PITPNM2: variants seen among roughly 807,000 people sequenced by gnomAD.
PITPNM2 encodes the protein phosphatidylinositol transfer protein membrane associated 2, also known as membrane-associated phosphatidylinositol transfer protein 2.
A neutral mutation model predicts 132.2 loss-of-function variants in PITPNM2; 35 were observed. The observed-to-expected ratio is 0.26, with a 90% confidence interval of 0.20 to 0.35. PITPNM2 has a LOEUF of 0.35. Ranked by LOEUF, PITPNM2 falls within the 10% of genes least tolerant of loss-of-function variation. PITPNM2 has a pLI of 1.00. For missense variants in PITPNM2, 1,332 were observed against 1,912.0 expected, an observed-to-expected ratio of 0.70 and a Z score of 5.66; for synonymous variants, 738 against 799.2, an observed-to-expected ratio of 0.92 and a Z score of 1.29.
chr12:123,011,026 C>A (rs1344087089), intron 5 of PITPNM2, among the ~76,000 whole-genome samples: 2 of 152,244 alleles, frequency 1.3e-5, no homozygotes, highest in East Asian at 3.8e-4. Flanking sequence ...GGCCAGGCCA[C>A]TTATGATCAC....
intron 1 of PITPNM2, among the ~76,000 whole-genome samples, chr12:123,123,044 CATG>C (rs1319920674): frequency 2.0e-5 from 3 of 152,220 alleles, no homozygotes; most frequent in African/African-American, 7.2e-5. Flanking sequence ...ATTCTACAGA[CATG>C]AGAGTATATT....
chr12:123,000,949 A>G lies in PITPNM2; in HGVS notation c.1154-101T>C. The stretch of plus-strand genomic sequence containing the variant: ...GACGAGGGGAGCTTGGGGGTCCCCA[A>G]CTCACATGTATGCCCAGCACTGTGC... On this transcript the variant is annotated intron_variant, in intron 9 of 25. Transcript: ENST00000320201. This position sits in a 1 kb window ranked among gnomAD's most constrained non-coding sequence, Gnocchi z 5.4. 2 of 1,535,668 alleles carry G rather than the reference A, an allele frequency of 1.3e-6. No individual in the cohort carries two copies. The highest frequency in any genetic ancestry group is 1.1e-5 in the South Asian group (1 of 89,148).
Position 123,077,809 on chromosome 12 carries a change from T to G in PITPNM2, c.-96+32576A>C, listed in dbSNP as rs923558649. Among the ~76,000 whole-genome samples, 2 of 151,786 alleles carry G rather than the reference T, an allele frequency of 1.3e-5. No individual in the cohort carries two copies. Among genetic ancestry groups the G allele is most frequent in the Non-Finnish European group, 1.5e-5 (1 of 67,942 alleles). On this transcript the variant is annotated intron_variant, in intron 2 of 25. Coordinates refer to ENST00000320201, the MANE Select transcript of PITPNM2 (RefSeq NM_020845.3). This position sits in a 1 kb window ranked among gnomAD's most constrained non-coding sequence, Gnocchi z 4.8. ...AGAAAATTACCTTTTAGGAAGCCAA[T>G]GTGAGGGAAGGGGTGGGGGGACAAA...
intron 2 of PITPNM2, among the ~76,000 whole-genome samples, chr12:123,050,936 C>T (rs1404384338): frequency 2.0e-5 from 3 of 152,164 alleles, no homozygotes; most frequent in East Asian, 3.8e-4. Flanking sequence ...ATAACTTGGG[C>T]AGAAAAGGCA....
intron 2 of PITPNM2, among the ~76,000 whole-genome samples, chr12:123,069,208 C>A (rs1056338838): frequency 9.3e-5 from 14 of 151,158 alleles, no homozygotes; most frequent in Admixed American, 9.2e-4. Context: ...GATTGCACCA[C>A]TGCACTCCAG....
In PITPNM2 at chr12:123,111,893, C is replaced by A. The variant is rs1319887935; in HGVS notation, c.-199-1405G>T. On this transcript the variant is annotated intron_variant, in intron 1 of 25. Transcript: ENST00000320201. This position sits in a 1 kb window ranked among gnomAD's most constrained non-coding sequence, Gnocchi z 4.1. Reference sequence around the variant, plus strand: ...TAGGCCACAGTTGAGGCCAGCAACTCTGAAGTCTCCCCATGTTCGAGGTGA... The same window carrying A: ...TAGGCCACAGTTGAGGCCAGCAACTATGAAGTCTCCCCATGTTCGAGGTGA... Among the ~76,000 whole-genome samples, 1 of 152,202 alleles carries A rather than the reference C, an allele frequency of 6.6e-6. No individual in the cohort carries two copies. Among genetic ancestry groups the A allele is most frequent in the Non-Finnish European group, 1.5e-5 (1 of 68,030 alleles).
In PITPNM2 at chr12:122,994,589, G is replaced by C. The variant is rs1051208326; in HGVS notation, c.2233+212C>G. ...CCTCAGCATCCACAGGCACCCCGGA[G>C]ATGAAATGAAACAGCAGGTGTCACG... On this transcript the variant is annotated intron_variant, in intron 15 of 25. Transcript: ENST00000320201. The surrounding 1 kb of genome is among the most constrained non-coding windows in gnomAD (Gnocchi z 5.4). 6.6e-6 allele frequency among the ~76,000 whole-genome samples: 1 copy of C among 152,192 alleles called. No homozygotes were observed. Among genetic ancestry groups the C allele is most frequent in the Non-Finnish European group, 1.5e-5 (1 of 68,028 alleles).
chr12:123,042,605 C>T (rs2040527885), intron 2 of PITPNM2, among the ~76,000 whole-genome samples: 1 of 152,118 alleles, frequency 6.6e-6, no homozygotes, highest in Admixed American at 6.5e-5. Context: ...AGCGAGGGAG[C>T]CACCGGCAGG....
chr12:122,996,569 C>A lies in PITPNM2; in HGVS notation c.1671G>T (p.Leu557=). 1.2e-6 allele frequency: 2 copies of A among 1,613,090 alleles called. No individual in the cohort carries two copies. Among genetic ancestry groups the A allele is most frequent in the Non-Finnish European group, 1.7e-6 (2 of 1,180,014 alleles). ...EGMTFNGQVC[L]IGDCVGGILA... ...GGATGCCCCCGACGCAGTCCCCAAT[C>A]AGGCAGACCTTGGGAGAGAGGGGCC... Residue 557 remains leucine, a synonymous_variant, in exon 13 of 26, where the codon CTG becomes CTT. Transcript: ENST00000320201.
At chr12:123,072,290 T>C (rs1204291218) in intron 2 of PITPNM2, among the ~76,000 whole-genome samples, 1 of 152,120 alleles carries the variant, frequency 6.6e-6, no homozygotes, top group Non-Finnish European at 1.5e-5. Flanking sequence ...TTCTCCAAGA[T>C]CTTATAATCA....
At chr12:123,092,845 C>T (rs1679946840) in intron 2 of PITPNM2, 1 of 152,302 alleles carries the variant, frequency 6.6e-6, no homozygotes, top group Admixed American at 6.5e-5. Context: ...TCGACCTCTC[C>T]CCCGAGCCCC....
chr12:123,004,195 C>T lies in PITPNM2; in HGVS notation c.1048+199G>A, dbSNP rs951731109. Among the ~76,000 whole-genome samples the T allele has an allele frequency of 6.6e-6, 1 of 152,168 alleles. No homozygotes were observed. On this transcript the variant is annotated intron_variant, in intron 8 of 25. Transcript: ENST00000320201. The surrounding 1 kb of genome is among the most constrained non-coding windows in gnomAD (Gnocchi z 4.9). Reference sequence around the variant, plus strand: ...TTCTGAGACCCCAGACTCAAGGGAACAAGATGACCTCATCTCATCCTCTGT... The same window carrying T: ...TTCTGAGACCCCAGACTCAAGGGAATAAGATGACCTCATCTCATCCTCTGT...
intron 2 of PITPNM2, among the ~76,000 whole-genome samples, chr12:123,107,124 G>C (rs139833664): frequency 0.011 from 1,678 of 152,334 alleles, 38 homozygotes; most frequent in South Asian, 0.062. Context: ...CCCTGCCCAT[G>C]TCATGAGCTC....
chr12:123,052,784 G>GTT (rs34269675), intron 2 of PITPNM2, among the ~76,000 whole-genome samples: 7,481 of 140,800 alleles, frequency 0.053, 578 homozygotes, highest in African/African-American at 0.17. Flanking sequence ...TTTTATTTAA[G>GTT]TTTTTTTTTT....
At chr12:123,068,474 TAAATAAATA>T (rs1020409493) in intron 2 of PITPNM2, among the ~76,000 whole-genome samples, 2 of 149,028 alleles carry the variant, frequency 1.3e-5, no homozygotes, top group African/African-American at 5.0e-5. Flanking sequence ...AATAAATAAA[TAAATAAATA>T]AATAAATAAA....
At chr12:123,026,658 C>T (rs2039872195) in intron 3 of PITPNM2, among the ~76,000 whole-genome samples, 1 of 152,216 alleles carries the variant, frequency 6.6e-6, no homozygotes, top group African/African-American at 2.4e-5. Context: ...TCCCTTCCAC[C>T]TTGGCCTTGC....
At chr12:123,044,541 C>A (rs1469614258) in intron 2 of PITPNM2, among the ~76,000 whole-genome samples, 1 of 152,236 alleles carries the variant, frequency 6.6e-6, no homozygotes, top group African/African-American at 2.4e-5. Context: ...ATAAGAGGCA[C>A]TGCTGAGATT....
rs2041859426 is a variant in PITPNM2 at position 123,078,466 on chromosome 12, C to T, written c.-96+31919G>A. On this transcript the variant is annotated intron_variant, in intron 2 of 25. Transcript: ENST00000320201. This position sits in a 1 kb window ranked among gnomAD's most constrained non-coding sequence, Gnocchi z 7.3. ...GGGCCCTCCGTCTCACGCCACGATG[C>T]CCAGCCAGAGCCTGAAGTCGGGACC... is the stretch of plus-strand genomic sequence containing the variant. Among the ~76,000 whole-genome samples the T allele has an allele frequency of 6.6e-6, 1 of 152,218 alleles. No homozygotes were observed. The highest frequency in any genetic ancestry group is 1.5e-5 in the Non-Finnish European group (1 of 68,034).
chr12:123,085,282 C>T (rs1290549208), intron 2 of PITPNM2, among the ~76,000 whole-genome samples: 1 of 152,160 alleles, frequency 6.6e-6, no homozygotes, highest in Non-Finnish European at 1.5e-5. Context: ...GCTTCTCTTC[C>T]TCTTTTGCTC....
Sources: gnomAD v4.1 joint callset for allele counts (sites outside exome capture counted in the v4.1 genomes callset) on GRCh38, gnomAD v4.1.1 for gene constraint, Gnocchi (gnomAD v3.1) non-coding constraint, MANE v1.5 for transcripts, NCBI Gene and HGNC (gene_info 2026-07-23, HGNC 2026-07-21) for gene names.